Variants in OPCML observed in about 807,000 individuals in gnomAD.
OPCML encodes opioid binding protein/cell adhesion molecule like, also known as opioid-binding protein/cell adhesion molecule.
In OPCML, 13 loss-of-function variants were observed where a neutral mutation model predicts 37.8. That is an observed-to-expected ratio of 0.34 (90% CI 0.22 to 0.55). The LOEUF (loss-of-function observed/expected upper bound fraction) is 0.55, where lower values mean the gene tolerates loss of function less well. Among genes scored for constraint, OPCML ranks in the 20% least tolerant of loss-of-function variants. The pLI is 0.91. For missense variants in OPCML, 341 were observed against 435.6 expected (o/e 0.78, Z 1.93); for synonymous variants, 176 against 168.8 (o/e 1.04, Z -0.33).
intron 1 of OPCML, among the ~76,000 whole-genome samples, chr11:133,170,294 G>A (rs1276467711): frequency 1.3e-5 from 2 of 152,306 alleles, no homozygotes; most frequent in East Asian, 1.9e-4. Context: ...GGCTAACACA[G>A]TGAAACTCCA....
At chr11:132,550,503 C>G (rs1048455170) in intron 3 of OPCML, among the ~76,000 whole-genome samples, 16 of 152,146 alleles carry the variant, frequency 1.1e-4, no homozygotes, top group Non-Finnish European at 1.3e-4. Context: ...TCTCTGAGGC[C>G]TCCCCAAAAA....
chr11:133,012,870 CAA>C (rs11456619), intron 1 of OPCML, among the ~76,000 whole-genome samples: 10 of 113,212 alleles, frequency 8.8e-5, no homozygotes, highest in Non-Finnish European at 1.1e-4. Context: ...AACTCCATCT[CAA>C]AAAAAAAAAA....
intron 1 of OPCML, among the ~76,000 whole-genome samples, chr11:133,369,035 A>G (rs1422015050): frequency 6.6e-6 from 1 of 152,256 alleles, no homozygotes; most frequent in Non-Finnish European, 1.5e-5. Context: ...TGATAGGCAG[A>G]ATGCCAGGAA....
At chr11:133,484,222 G>A (rs887767905) in intron 1 of OPCML, among the ~76,000 whole-genome samples, 2 of 152,152 alleles carry the variant, frequency 1.3e-5, no homozygotes, top group Admixed American at 6.5e-5. Flanking sequence ...CACATTAAAT[G>A]TGTTTGAATT....
intron 2 of OPCML, among the ~76,000 whole-genome samples, chr11:132,825,179 T>C (rs1395429090): frequency 6.6e-6 from 1 of 152,318 alleles, no homozygotes; most frequent in Middle Eastern, 3.4e-3. Flanking sequence ...CATCTCTAAG[T>C]TTTCCTCAAT....
At chr11:133,394,900 T>C (rs1945253581) in intron 1 of OPCML, among the ~76,000 whole-genome samples, 1 of 152,248 alleles carries the variant, frequency 6.6e-6, no homozygotes, top group Non-Finnish European at 1.5e-5. Flanking sequence ...ATAAATGGGA[T>C]TGCTAGATCA....
In OPCML at chr11:132,739,058, C is replaced by T. The variant is rs143068883; in HGVS notation, c.147-81739G>A. Among the ~76,000 whole-genome samples, 25 of 152,280 alleles carry T rather than the reference C, an allele frequency of 1.6e-4. No individual in the cohort carries two copies. In the East Asian group the frequency reaches 3.1e-3, roughly 19 times the overall value. On this transcript the variant is annotated intron_variant, in intron 2 of 7. Transcript: ENST00000524381. ...AGACCCTTAATAACCCGAGATAACTCGACTCCTATCAGCTCAGAAATGACG... is the reference window on the plus strand; with the variant it reads ...AGACCCTTAATAACCCGAGATAACTTGACTCCTATCAGCTCAGAAATGACG...
Position 132,663,597 on chromosome 11 carries a change from G to A in OPCML, c.147-6278C>T, listed in dbSNP as rs189156185. ...AGTCCTTGCATCATATCAGGCTGAT[G>A]ACAAAAATACAGAGGTGACTGGCTT... On this transcript the variant is annotated intron_variant, in intron 2 of 7. Transcript: ENST00000524381. Among the ~76,000 whole-genome samples, 449 of 152,290 alleles carry A rather than the reference G, an allele frequency of 2.9e-3. 1 individual carries two copies. The highest frequency in any genetic ancestry group is 6.8e-3 in the Middle Eastern group (2 of 294).
chr11:132,952,702 C>T (rs1945886550), intron 1 of OPCML, among the ~76,000 whole-genome samples: 1 of 152,136 alleles, frequency 6.6e-6, no homozygotes, highest in South Asian at 2.1e-4. Context: ...TACTTCCAAG[C>T]AGGGCGATCC....
At chr11:132,904,085 A>C (rs1039503818) in intron 2 of OPCML, among the ~76,000 whole-genome samples, 6 of 152,208 alleles carry the variant, frequency 3.9e-5, no homozygotes, top group Admixed American at 3.9e-4. Flanking sequence ...CTGGCAAACA[A>C]AGATTGGTCC....
intron 1 of OPCML, among the ~76,000 whole-genome samples, chr11:133,428,739 A>C (rs1946058286): frequency 6.6e-6 from 1 of 152,196 alleles, no homozygotes; most frequent in Non-Finnish European, 1.5e-5. Context: ...AGAGTGAATG[A>C]TATAAAGATA....
intron 1 of OPCML, among the ~76,000 whole-genome samples, chr11:133,378,430 T>C (rs1225087039): frequency 6.6e-6 from 1 of 152,166 alleles, no homozygotes; most frequent in African/African-American, 2.4e-5. Flanking sequence ...AAATTCTACT[T>C]TTCTCTCATA....
At chr11:132,792,872 G>GCGCC (rs1436709358) in intron 2 of OPCML, among the ~76,000 whole-genome samples, 1 of 152,198 alleles carries the variant, frequency 6.6e-6, no homozygotes, top group Non-Finnish European at 1.5e-5. Flanking sequence ...CAGCACAGCA[G>GCGCC]CGCCCGTGTC....
At chr11:133,070,861 G>C (rs529783526) in intron 1 of OPCML, among the ~76,000 whole-genome samples, 13 of 152,248 alleles carry the variant, frequency 8.5e-5, no homozygotes, top group Admixed American at 5.9e-4. Context: ...GACCACACCT[G>C]GGCAGGAGAG....
intron 1 of OPCML, chr11:133,005,843 C>T (rs11601488): frequency 0.17 from 163,210 of 983,472 alleles, 15,284 homozygotes; most frequent in African/African-American, 0.38. Context: ...CTCTTTGCTG[C>T]CTAGGATCTA....
intron 3 of OPCML, among the ~76,000 whole-genome samples, chr11:132,628,180 G>A (rs1015603141): frequency 7.2e-5 from 11 of 152,066 alleles, no homozygotes; most frequent in East Asian, 1.9e-4. Context: ...TTACCTTGGC[G>A]TAAGTAATGA....
intron 4 of OPCML, among the ~76,000 whole-genome samples, chr11:132,516,212 G>A (rs1255322307): frequency 6.6e-6 from 1 of 152,174 alleles, no homozygotes; most frequent in Non-Finnish European, 1.5e-5. Context: ...GTCATCCAGG[G>A]CTAATAGTTA....
chr11:133,162,485 T>TG (rs1374405224), intron 1 of OPCML, among the ~76,000 whole-genome samples: 1 of 152,132 alleles, frequency 6.6e-6, no homozygotes, highest in Non-Finnish European at 1.5e-5. Context: ...TTGCTTTGGC[T>TG]GGGGGGCCGG....
chr11:133,154,633 C>T (rs1950031268), intron 1 of OPCML, among the ~76,000 whole-genome samples: 1 of 151,794 alleles, frequency 6.6e-6, no homozygotes, highest in Admixed American at 6.6e-5. Context: ...AGAGGAACAC[C>T]ACTTATTAGG....
Sources: allele counts gnomAD v4.1 joint callset (sites outside exome capture counted in the v4.1 genomes callset), GRCh38; gene constraint gnomAD v4.1.1; transcripts MANE v1.5; gene names NCBI Gene and HGNC (gene_info 2026-07-23, HGNC 2026-07-21).